Variants in NLK observed in about 807,000 individuals in gnomAD.
NLK encodes serine/threonine-protein kinase NLK.
A neutral mutation model predicts 59.0 loss-of-function variants in NLK; 11 were observed. The observed-to-expected ratio is 0.19, with a 90% CI of 0.12 to 0.31. NLK has a LOEUF of 0.31. Among genes scored for constraint, NLK ranks in the 10% least tolerant of loss-of-function variants. The pLI, the probability that NLK is intolerant of heterozygous loss-of-function variation, is 1.00. For missense variants in NLK, 410 were observed against 661.1 expected (o/e 0.62, Z 4.16); for synonymous variants, 235 against 235.9 (o/e 1.00, Z 0.03).
intron 1 of NLK, among the ~76,000 whole-genome samples, chr17:28,095,860 G>C (rs1904682947): frequency 6.6e-6 from 1 of 152,164 alleles, no homozygotes; most frequent in Admixed American, 6.5e-5. Context: ...AAAATAGCTG[G>C]CTCAAATAGA....
chr17:28,143,769 C>T (rs1907113728), intron 3 of NLK, among the ~76,000 whole-genome samples: 1 of 152,190 alleles, frequency 6.6e-6, no homozygotes, highest in East Asian at 1.9e-4. Flanking sequence ...TCTTTCTGAA[C>T]TCTAGATGGC....
intron 1 of NLK, among the ~76,000 whole-genome samples, chr17:28,106,642 C>T (rs1447203190): frequency 2.0e-5 from 3 of 152,164 alleles, no homozygotes; most frequent in Non-Finnish European, 4.4e-5. Context: ...GAATACACAC[C>T]ATTTCGTAGT....
chr17:28,131,496 ATG>A (rs1182514081), intron 2 of NLK, among the ~76,000 whole-genome samples: 2 of 148,260 alleles, frequency 1.3e-5, no homozygotes, highest in Non-Finnish European at 3.0e-5. Context: ...AAGAATGTTC[ATG>A]TGTGTGAATA....
chr17:28,194,927 T>G lies in NLK; in HGVS notation c.*291T>G, dbSNP rs1323486353. ...AGAACAAAAGAGAATTGAACCAAAT[T>G]TGGGAGTTTGGGGTTTTATGTTTTG... is the stretch of plus-strand genomic sequence containing the variant. On this transcript the variant is annotated 3_prime_UTR_variant, in exon 11 of 11. Transcript: ENST00000407008. The G allele has an allele frequency of 7.0e-6, 2 of 284,054 alleles. No homozygotes were observed. Among genetic ancestry groups the G allele is most frequent in the African/African-American group, 2.2e-5 (1 of 45,752 alleles). The allele number at this position is 284,054 out of a possible 1,614,324, so 17.6% of individuals were successfully genotyped here. A position where few individuals can be genotyped will look rare whatever the true frequency, so the allele number is the denominator to read the frequency against.
intron 9 of NLK, among the ~76,000 whole-genome samples, chr17:28,191,475 A>G (rs938779450): frequency 1.3e-5 from 2 of 152,236 alleles, no homozygotes; most frequent in Non-Finnish European, 2.9e-5. Flanking sequence ...AATATGTTTA[A>G]TATGTATTCA....
chr17:28,070,637 C>T (rs1037223088), intron 1 of NLK, among the ~76,000 whole-genome samples: 1 of 152,036 alleles, frequency 6.6e-6, no homozygotes, highest in African/African-American at 2.4e-5. Flanking sequence ...AGGCATGAGC[C>T]ACCGTGCCCA....
intron 2 of NLK, among the ~76,000 whole-genome samples, chr17:28,128,779 T>C (rs142491006): frequency 1.7e-4 from 26 of 152,298 alleles, no homozygotes; most frequent in African/African-American, 6.3e-4. Context: ...ACCTACCCAA[T>C]GACCCAGCAA....
intron 1 of NLK, among the ~76,000 whole-genome samples, chr17:28,083,818 T>G (rs1446319632): frequency 6.6e-6 from 1 of 152,170 alleles, no homozygotes; most frequent in Admixed American, 6.5e-5. Flanking sequence ...CAGCTAACCA[T>G]GAAAATTCTT....
intron 1 of NLK, among the ~76,000 whole-genome samples, chr17:28,086,397 C>T (rs1910517401): frequency 6.6e-6 from 1 of 152,004 alleles, no homozygotes; most frequent in African/African-American, 2.4e-5. Flanking sequence ...TAGTTGAATG[C>T]ATTGCTACTT....
intron 1 of NLK, among the ~76,000 whole-genome samples, chr17:28,064,718 T>C (rs1381730490): frequency 6.6e-6 from 1 of 152,196 alleles, no homozygotes; most frequent in Non-Finnish European, 1.5e-5. Context: ...ATTTTAAATG[T>C]GCAGTCTTTT....
At chr17:28,153,405 A>G (rs1387953839) in intron 3 of NLK, among the ~76,000 whole-genome samples, 1 of 152,188 alleles carries the variant, frequency 6.6e-6, no homozygotes, top group African/African-American at 2.4e-5. Context: ...TGGGAAGTCC[A>G]AAATCAAGAC....
chr17:28,185,622 C>T (rs531472867), intron 8 of NLK, among the ~76,000 whole-genome samples: 8 of 152,206 alleles, frequency 5.3e-5, no homozygotes, highest in Admixed American at 5.2e-4. Flanking sequence ...GATCTCAGCT[C>T]ACTGTACCCT....
chr17:28,113,270 C>T (rs1414075983), intron 1 of NLK, among the ~76,000 whole-genome samples: 1 of 152,126 alleles, frequency 6.6e-6, no homozygotes, highest in Non-Finnish European at 1.5e-5. Flanking sequence ...CCCAGAAGTC[C>T]CCTGTGCCCT....
intron 1 of NLK, among the ~76,000 whole-genome samples, chr17:28,118,575 A>G (rs1023733245): frequency 1.3e-5 from 2 of 152,128 alleles, no homozygotes; most frequent in Non-Finnish European, 2.9e-5. Context: ...TTTCATTACA[A>G]CTTTTCTGCT....
At chr17:28,168,749 A>T (rs1034392827) in intron 6 of NLK, 92 bp downstream of exon 6, 4 of 970,524 alleles carry the variant, frequency 4.1e-6, no homozygotes, top group Non-Finnish European at 6.3e-6. Flanking sequence ...TATTCATTAT[A>T]CTGTCTAATT....
chr17:28,141,028 T>G (rs1906967862), intron 3 of NLK, among the ~76,000 whole-genome samples: 1 of 152,198 alleles, frequency 6.6e-6, no homozygotes, highest in Non-Finnish European at 1.5e-5. Flanking sequence ...CTTTTCTAAT[T>G]AAATAACAAT....
intron 1 of NLK, among the ~76,000 whole-genome samples, chr17:28,058,938 C>G (rs1909536003): frequency 6.6e-6 from 1 of 152,024 alleles, no homozygotes; most frequent in Non-Finnish European, 1.5e-5. Flanking sequence ...CCAGCCTGGG[C>G]AACATGACAA....
At chr17:28,085,179 T>A (rs1201418512) in intron 1 of NLK, among the ~76,000 whole-genome samples, 17 of 152,052 alleles carry the variant, frequency 1.1e-4, no homozygotes, top group Admixed American at 1.1e-3. Context: ...AGGTAAAAAT[T>A]ATCACGTTTT....
At chr17:28,147,836 C>T (rs1200086280) in intron 3 of NLK, among the ~76,000 whole-genome samples, 1 of 152,168 alleles carries the variant, frequency 6.6e-6, no homozygotes, top group Non-Finnish European at 1.5e-5. Flanking sequence ...TATTTGGGCA[C>T]TGTCCACTAA....
Sources: gnomAD v4.1 joint callset for allele counts (sites outside exome capture counted in the v4.1 genomes callset) on GRCh38, gnomAD v4.1.1 for gene constraint, MANE v1.5 for transcripts, NCBI Gene and HGNC (gene_info 2026-07-23, HGNC 2026-07-21) for gene names.